Variants in NCAM1 observed in about 807,000 individuals in gnomAD.
NCAM1 encodes the protein neural cell adhesion molecule 1, also known as antigen recognized by monoclonal antibody 5.1H11.
In NCAM1, 14 loss-of-function variants were observed where a neutral mutation model predicts 109.8. The observed-to-expected ratio is 0.13, with a 90% CI of 0.08 to 0.20. The LOEUF (loss-of-function observed/expected upper bound fraction) is 0.20. Ranked by LOEUF, NCAM1 falls within the 10% of genes least tolerant of loss-of-function variation. NCAM1 has a pLI of 1.00. For synonymous variants in NCAM1, 418 were observed against 442.9 expected (o/e 0.94, Z 0.70); for missense variants, 774 against 1,109.9 (o/e 0.70, Z 4.30).
rs201880501 is a variant in NCAM1 at position 113,260,196 on chromosome 11, C to T, written c.2004C>T (p.His668=). Residue 668 remains histidine, a synonymous_variant, in exon 17 of 20, where the codon CAC becomes CAT. Coordinates refer to ENST00000316851, the MANE Select transcript of NCAM1 (RefSeq NM_181351.5). Reference sequence around the variant, plus strand: ...TCAGGCTCCCGTCTGGCAGTGACCACGTCATGCTGAAGTCCCTGGACTGGA... The same window carrying T: ...TCAGGCTCCCGTCTGGCAGTGACCATGTCATGCTGAAGTCCCTGGACTGGA... ...PEIRLPSGSD[H]VMLKSLDWNA... 4.3e-5 allele frequency: 70 copies of T among 1,613,932 alleles called. No individual in the cohort carries two copies. In the South Asian group the frequency reaches 5.3e-4, roughly 12 times the overall value.
chr11:113,254,018 T>A (rs1945770373), intron 15 of NCAM1, among the ~76,000 whole-genome samples: 1 of 152,204 alleles, frequency 6.6e-6, no homozygotes, highest in Non-Finnish European at 1.5e-5. Flanking sequence ...TCCTTCTATT[T>A]GTTCAGCATT....
chr11:113,221,477 C>A (rs1944692801), intron 9 of NCAM1, 152 bp downstream of exon 9: 1 of 749,150 alleles, frequency 1.3e-6, no homozygotes, highest in Non-Finnish European at 2.1e-6. Context: ...GCAATAGTAT[C>A]ATTTTAGGAT....
intron 1 of NCAM1, among the ~76,000 whole-genome samples, chr11:113,183,335 C>T (rs1555108291): frequency 6.6e-6 from 1 of 152,180 alleles, no homozygotes; most frequent in Non-Finnish European, 1.5e-5. Flanking sequence ...TCTGTGGGAT[C>T]TGTCTGTCCC....
chr11:113,041,905 C>T lies in NCAM1; in HGVS notation c.52+80241C>T, dbSNP rs76271694. 7.5e-3 allele frequency among the ~76,000 whole-genome samples: 1,144 copies of T among 152,286 alleles called. 31 individuals are homozygous for T. The highest frequency in any genetic ancestry group is 0.053 in the Admixed American group (809 of 15,288). ...TACACATTACGAGGAAGAAACAGTG[C>T]TCTGAAAAGAGTCCCCTCAGCTTTT... On this transcript the variant is annotated intron_variant, in intron 1 of 19. Coordinates refer to ENST00000316851, the MANE Select transcript of NCAM1 (RefSeq NM_181351.5).
chr11:113,104,216 G>T (rs1334627163), intron 1 of NCAM1, among the ~76,000 whole-genome samples: 2 of 119,810 alleles, frequency 1.7e-5, no homozygotes, highest in Non-Finnish European at 3.5e-5. Context: ...GTGGGGGGGG[G>T]GGCGGGGTGG....
intron 1 of NCAM1, among the ~76,000 whole-genome samples, chr11:112,967,156 C>G (rs10891483): frequency 8.6e-5 from 13 of 152,040 alleles, no homozygotes; most frequent in Non-Finnish European, 1.8e-4. Flanking sequence ...GCTGATCTTC[C>G]GTTTTCTATT....
chr11:113,128,863 T>C, intron 1 of NCAM1, among the ~76,000 whole-genome samples: 1 of 151,724 alleles, frequency 6.6e-6, no homozygotes, highest in South Asian at 2.1e-4. Flanking sequence ...TTGACATTCA[T>C]GACCTGCAAT....
At chr11:113,052,261 T>A (rs1051197885) in intron 1 of NCAM1, among the ~76,000 whole-genome samples, 4 of 152,226 alleles carry the variant, frequency 2.6e-5, no homozygotes, top group Admixed American at 6.5e-5. Flanking sequence ...AACTTGAACT[T>A]CCTTTTTAAT....
intron 1 of NCAM1, among the ~76,000 whole-genome samples, chr11:113,017,187 A>G (rs945819436): frequency 6.6e-6 from 1 of 152,122 alleles, no homozygotes; most frequent in East Asian, 1.9e-4. Context: ...CCTGAGAGAC[A>G]CTCTTCGTTT....
rs369979570 is a variant in NCAM1, at chr11:112,963,252, C to T, written c.52+1588C>T. ...CCCTGCGGCCGGTCCCCCGCCTGCC[C>T]GGCAGTTTCCGAGGAAATAAAATGG... On this transcript the variant is annotated intron_variant, in intron 1 of 19. Coordinates refer to ENST00000316851, the MANE Select transcript of NCAM1 (RefSeq NM_181351.5). This position sits in a 1 kb window ranked among gnomAD's most constrained non-coding sequence, Gnocchi z 4.6. 1 of 152,580 alleles carries T rather than the reference C, an allele frequency of 6.6e-6. No individual in the cohort carries two copies. The highest frequency in any genetic ancestry group is 6.5e-5 in the Admixed American group (1 of 15,288). The allele number at this position is 152,580 out of a possible 1,614,324, so 9.5% of individuals were successfully genotyped here.
intron 1 of NCAM1, among the ~76,000 whole-genome samples, chr11:113,067,918 T>G (rs1328415640): frequency 2.0e-5 from 3 of 149,984 alleles, no homozygotes; most frequent in Admixed American, 1.3e-4. Context: ...TTTTTTTTTT[T>G]TTTTTTTTTT....
intron 8 of NCAM1, among the ~76,000 whole-genome samples, chr11:113,216,672 C>A (rs530769472): frequency 6.4e-4 from 97 of 152,274 alleles, no homozygotes; most frequent in Middle Eastern, 3.4e-3. Context: ...CCTTCAAGTT[C>A]ACTTTATTGG....
intron 1 of NCAM1, among the ~76,000 whole-genome samples, chr11:113,158,397 G>A (rs1376769490): frequency 2.6e-5 from 4 of 152,318 alleles, no homozygotes; most frequent in African/African-American, 7.2e-5. Context: ...GGCTAGTTGA[G>A]CTCACTACTC....
intron 1 of NCAM1, among the ~76,000 whole-genome samples, chr11:113,056,780 C>A (rs1953728015): frequency 6.6e-6 from 1 of 152,154 alleles, no homozygotes; most frequent in East Asian, 1.9e-4. Flanking sequence ...GAAGACCCAG[C>A]TAAGCTGTGT....
At chr11:112,983,392 G>T (rs1309467281) in intron 1 of NCAM1, among the ~76,000 whole-genome samples, 1 of 149,400 alleles carries the variant, frequency 6.7e-6, no homozygotes, top group Admixed American at 6.8e-5. Flanking sequence ...ATGATTTTGA[G>T]AAATCATGAA....
chr11:113,185,831 G>C (rs1263732130), intron 1 of NCAM1, among the ~76,000 whole-genome samples: 1 of 152,172 alleles, frequency 6.6e-6, no homozygotes, highest in Non-Finnish European at 1.5e-5. Context: ...ATCACTTGAG[G>C]AGCTCTTTAA....
At chr11:113,063,509 A>G (rs964161747) in intron 1 of NCAM1, among the ~76,000 whole-genome samples, 7 of 152,184 alleles carry the variant, frequency 4.6e-5, no homozygotes. Flanking sequence ...CTTAGCATCC[A>G]GTGTTACTCA....
intron 1 of NCAM1, among the ~76,000 whole-genome samples, chr11:113,017,866 T>C (rs911403345): frequency 6.6e-6 from 1 of 152,192 alleles, no homozygotes; most frequent in Non-Finnish European, 1.5e-5. Context: ...AAAGTGATCT[T>C]GGCCTATCTA....
At chr11:113,004,496 A>G (rs568371786) in intron 1 of NCAM1, among the ~76,000 whole-genome samples, 2 of 152,062 alleles carry the variant, frequency 1.3e-5, no homozygotes, top group South Asian at 4.1e-4. Flanking sequence ...CATCTCAAAA[A>G]AAAAATTTTT....
Sources: gnomAD v4.1 joint callset for allele counts (sites outside exome capture counted in the v4.1 genomes callset) on GRCh38, gnomAD v4.1.1 for gene constraint, Gnocchi (gnomAD v3.1) non-coding constraint, MANE v1.5 for transcripts, NCBI Gene and HGNC (gene_info 2026-07-23, HGNC 2026-07-21) for gene names.